Variants in ADAT1 observed in about 807,000 individuals in gnomAD.
ADAT1 encodes tRNA-specific adenosine deaminase 1.
A neutral mutation model predicts 58.6 loss-of-function variants in ADAT1; 58 were observed. The observed-to-expected ratio is 0.99, with a 90% confidence interval of 0.80 to 1.23. ADAT1 has a LOEUF of 1.23. ADAT1 is among the 50% of genes most tolerant of loss of function. The pLI, the probability that ADAT1 is intolerant of heterozygous loss-of-function variation, is 0.00. For synonymous variants in ADAT1, 254 were observed against 220.8 expected, an observed-to-expected ratio of 1.15 and a Z score of -1.33; for missense variants, 741 against 608.6, an observed-to-expected ratio of 1.22 and a Z score of -2.29.
At chr16:75,610,283 T>TTATA (rs1468869643) in intron 6 of ADAT1, among the ~76,000 whole-genome samples, 1 of 152,186 alleles carries the variant, frequency 6.6e-6, no homozygotes, top group Non-Finnish European at 1.5e-5. Context: ...CAGGTTTTTG[T>TTATA]TATATACATA....
Position 75,618,582 on chromosome 16 carries a change from T to C in ADAT1, c.293+4A>G, listed in dbSNP as rs2081823012. The C allele has an allele frequency of 6.3e-7, 1 of 1,598,798 alleles. No individual in the cohort carries two copies. The highest frequency in any genetic ancestry group is 1.7e-4 in the Middle Eastern group (1 of 5,980). On this transcript the variant is annotated splice_donor_region_variant and intron_variant, in intron 4 of 9. Coordinates refer to ENST00000564657, the MANE Select transcript of ADAT1 (RefSeq NM_001324445.2). ...TGAACCATACTCTGGAGATGTGGCT[T>C]TACCTTTGGAAACTCCTTCTGGCTA...
chr16:75,607,853 C>T (rs978293054), intron 8 of ADAT1, among the ~76,000 whole-genome samples: 6 of 152,064 alleles, frequency 3.9e-5, no homozygotes, highest in East Asian at 1.9e-4. Context: ...CATTCATGAA[C>T]GAATGGCAAA....
chr16:75,601,583 C>T (rs546815092), intron 9 of ADAT1, among the ~76,000 whole-genome samples: 1 of 151,788 alleles, frequency 6.6e-6, no homozygotes, highest in Non-Finnish European at 1.5e-5. Flanking sequence ...ATGGTGAAAC[C>T]CCGTCCCTAC....
At chr16:75,616,934 CCT>C (rs1337105260) in intron 5 of ADAT1, among the ~76,000 whole-genome samples, 1 of 152,186 alleles carries the variant, frequency 6.6e-6, no homozygotes, top group African/African-American at 2.4e-5. Flanking sequence ...GCACCCCTTG[CCT>C]CTGTCTTCTC....
In ADAT1 at chr16:75,622,663, C is replaced by G. The variant is rs2081968796; in HGVS notation, c.-282G>C. ...ACACTGGGTCCATTATAATTCGAGC[C>G]TACACCCCCTCCTAGATCTTGAAAA... On this transcript the variant is annotated 5_prime_UTR_variant, in exon 1 of 10. Coordinates refer to ENST00000564657, the MANE Select transcript of ADAT1 (RefSeq NM_001324445.2). 6.6e-6 allele frequency: 1 copy of G among 152,158 alleles called. No homozygotes were observed. Among genetic ancestry groups the G allele is most frequent in the Non-Finnish European group, 1.5e-5 (1 of 68,038 alleles). The allele number at this position is 152,158 out of a possible 1,614,324, so 9.4% of individuals were successfully genotyped here.
At chr16:75,608,700 C>CAAG in intron 7 of ADAT1, 143 bp downstream of exon 7, 6 of 982,028 alleles carry the variant, frequency 6.1e-6, no homozygotes, top group Non-Finnish European at 8.8e-6. Context: ...AAACGTGACC[C>CAAG]ACTATGGGTG....
Position 75,601,456 on chromosome 16 carries a change from A to T in ADAT1, c.1377-1108T>A, listed in dbSNP as rs370379230. On this transcript the variant is annotated intron_variant, in intron 9 of 9. Coordinates refer to ENST00000564657, the MANE Select transcript of ADAT1 (RefSeq NM_001324445.2). ...CAGCTACCCTGTCTCAAAAACAAAC[A>T]AACAAACAAACATACATACATGCCA... Among the ~76,000 whole-genome samples, 7 of 151,746 alleles carry T rather than the reference A, an allele frequency of 4.6e-5. No individual in the cohort carries two copies. The East Asian group carries it at 5.9e-4, about 13-fold the overall frequency.
At position 75,620,628 on chromosome 16, in the gene ADAT1, C is replaced by T; in HGVS notation, c.169+3G>A. ...GGAGCATGCCAAGAAGAAAAAGTCT[C>T]ACCTTGCACCGGCTTATCAGGGGTG... On this transcript the variant is annotated splice_donor_region_variant and intron_variant, in intron 2 of 9. Transcript: ENST00000564657. 1 of 1,612,470 alleles carries T rather than the reference C, an allele frequency of 6.2e-7. No homozygotes were observed. Among genetic ancestry groups the T allele is most frequent in the Non-Finnish European group, 8.5e-7 (1 of 1,179,764 alleles).
In ADAT1 at chr16:75,623,060, C is replaced by CCCGCCCGCGG. The variant is rs112935797; in HGVS notation, c.-680_-679insCCGCGGGCGG. On this transcript the variant is annotated 5_prime_UTR_variant, in exon 1 of 10. Transcript: ENST00000564657. ...CGGCTGCCAGGCCAGAGGCCCCGCG[C>CCCGCCCGCGG]CAGGAGCTCTTCAGGCGCCGGCTGC... 46,037 of 152,128 alleles carry CCCGCCCGCGG rather than the reference C, an allele frequency of 0.3. 10,816 individuals carry two copies. Among genetic ancestry groups the CCCGCCCGCGG allele is most frequent in the East Asian group, 0.75 (3,865 of 5,160 alleles). 9.4% of individuals were successfully genotyped at this position (152,128 alleles called of 1,614,324 possible). A position where few individuals can be genotyped will look rare whatever the true frequency, so the allele number is the denominator to read the frequency against.
Position 75,597,448 on chromosome 16 carries a change from G to T in ADAT1, c.*2768C>A. ...GCAGCAGTCCCCAAGGCACGAAAAA[G>T]TCTTCCTTAGAGCAGCAGTCCCCAA... On this transcript the variant is annotated 3_prime_UTR_variant, in exon 10 of 10. Coordinates refer to ENST00000564657, the MANE Select transcript of ADAT1 (RefSeq NM_001324445.2). 2.3e-6 allele frequency: 1 copy of T among 441,646 alleles called. No individual in the cohort carries two copies. The highest frequency in any genetic ancestry group is 4.5e-6 in the Non-Finnish European group (1 of 220,088). 27.4% of individuals were successfully genotyped at this position (441,646 alleles called of 1,614,324 possible).
intron 8 of ADAT1, among the ~76,000 whole-genome samples, chr16:75,606,857 AT>A (rs1178274493): frequency 6.6e-6 from 1 of 152,238 alleles, no homozygotes; most frequent in Non-Finnish European, 1.5e-5. Context: ...CTAATACAAG[AT>A]GTGAAAGATT....
chr16:75,620,820 C>CCAG lies in ADAT1; in HGVS notation c.-21-1_-21insCTG. On this transcript the variant is annotated splice_region_variant and 5_prime_UTR_variant. Coordinates refer to ENST00000564657, the MANE Select transcript of ADAT1 (RefSeq NM_001324445.2). The stretch of plus-strand genomic sequence containing the variant: ...CACATGGTCTGAGCTGGTATTGAGA[C>CCAG]CTTGATCAAAAACCACAACCATCAG... 1.3e-6 allele frequency: 2 copies of CCAG among 1,595,120 alleles called. No individual in the cohort carries two copies. Among genetic ancestry groups the CCAG allele is most frequent in the Non-Finnish European group, 1.7e-6 (2 of 1,166,278 alleles).
At chr16:75,619,728 T>A in intron 3 of ADAT1, 1 of 415,194 alleles carries the variant, frequency 2.4e-6, no homozygotes, top group South Asian at 1.7e-5. Context: ...TTGGCCAGCA[T>A]GGTGAAACCC....
At chr16:75,620,965 C>T (rs375255609) in intron 1 of ADAT1, 145 bp from the exon 2 acceptor site, 129 of 591,872 alleles carry the variant, frequency 2.2e-4, no homozygotes, top group Admixed American at 6.5e-4. Context: ...TTTTCTTCTA[C>T]TATCTCCCTG....
chr16:75,616,574 C>G (rs1171491408), intron 5 of ADAT1, among the ~76,000 whole-genome samples: 3 of 152,136 alleles, frequency 2.0e-5, no homozygotes, highest in African/African-American at 7.2e-5. Flanking sequence ...GGAAATGACA[C>G]CCCCTTCACC....
intron 5 of ADAT1, 50 bp from the exon 6 acceptor site, chr16:75,612,911 G>C (rs752242190): frequency 2.1e-5 from 33 of 1,565,268 alleles, no homozygotes; most frequent in Non-Finnish European, 2.8e-5. Flanking sequence ...TGAGGTCCCT[G>C]GACCAGCCAC....
intron 8 of ADAT1, among the ~76,000 whole-genome samples, chr16:75,605,341 G>A (rs963133306): frequency 2.6e-5 from 4 of 151,894 alleles, no homozygotes; most frequent in Non-Finnish European, 4.4e-5. Context: ...TGCCTGCCTC[G>A]GCCTCCCAAA....
chr16:75,609,120 G>T, intron 6 of ADAT1, 132 bp from the exon 7 acceptor site: 1 of 1,059,578 alleles, frequency 9.4e-7, no homozygotes, highest in Non-Finnish European at 1.4e-6. Context: ...GGCAGACAGT[G>T]TTTCAGAATA....
Position 75,617,139 on chromosome 16 carries a change from T to A in ADAT1, c.424+3A>T. 6.2e-7 allele frequency: 1 copy of A among 1,611,356 alleles called. No homozygotes were observed. The highest frequency in any genetic ancestry group is 8.5e-7 in the Non-Finnish European group (1 of 1,177,846). On this transcript the variant is annotated splice_donor_region_variant and intron_variant, in intron 5 of 9. Coordinates refer to ENST00000564657, the MANE Select transcript of ADAT1 (RefSeq NM_001324445.2). ...ATTAATCCAAAGGCTTGAATATACT[T>A]ACAGGGTGTATGGCTGGAGAAAAAC...
Sources: allele counts gnomAD v4.1 joint callset (sites outside exome capture counted in the v4.1 genomes callset), GRCh38; gene constraint gnomAD v4.1.1; transcripts MANE v1.5; gene names NCBI Gene and HGNC (gene_info 2026-07-23, HGNC 2026-07-21).